DMBT1: variants seen among roughly 807,000 people sequenced by gnomAD.
The protein encoded by DMBT1 is scavenger receptor cysteine-rich domain-containing protein DMBT1.
In DMBT1, 198 loss-of-function variants were observed where a neutral mutation model predicts 252.9. The ratio of observed to expected loss-of-function variants is 0.78; its 90% CI spans 0.70 to 0.88. The LOEUF (loss-of-function observed/expected upper bound fraction) is 0.88. Among genes scored for constraint, DMBT1 ranks in the 40% least tolerant of loss-of-function variants. The pLI, the probability that DMBT1 is intolerant of heterozygous loss-of-function variation, is 0.00. For missense variants in DMBT1, 2,432 were observed against 2,404.7 expected, an observed-to-expected ratio of 1.01 and a Z score of -0.24; for synonymous variants, 990 against 942.7, an observed-to-expected ratio of 1.05 and a Z score of -0.92.
At chr10:122,626,030 C>A (rs925132258) in intron 46 of DMBT1, 65 bp downstream of exon 46, 4 of 1,399,256 alleles carry the variant, frequency 2.9e-6, no homozygotes, top group African/African-American at 2.8e-5. Context: ...CTTGGCTATC[C>A]ATGAGCGAAT....
At chr10:122,623,954 T>C (rs920784675) in intron 44 of DMBT1, among the ~76,000 whole-genome samples, 3 of 152,238 alleles carry the variant, frequency 2.0e-5, no homozygotes, top group African/African-American at 7.2e-5. Context: ...TTCTGCCCAC[T>C]GTCCCTGTAG....
In DMBT1 at chr10:122,576,411, G is replaced by C. The variant is rs1184144498; in HGVS notation, c.296G>C (p.Gly99Ala). ...TGCCTTCCTCTAGGATCTGATTCTG[G>C]TTTGGCCCTGAGGCTGGTGAATGGA... ...ESTVAEGSDSGLALRLVNGDG... is the reference protein window; with the variant it reads ...ESTVAEGSDSALALRLVNGDG... The change falls in exon 7 of 56, where the codon GGT (glycine) becomes GCT (alanine). Residue 99 changes from glycine to alanine, a missense_variant. Coordinates refer to ENST00000338354, the MANE Select transcript of DMBT1 (RefSeq NM_001377530.1). The C allele has an allele frequency of 3.1e-6, 5 of 1,613,724 alleles. No homozygotes were observed. Among genetic ancestry groups the C allele is most frequent in the Non-Finnish European group, 3.4e-6 (4 of 1,179,804 alleles).
rs148891350 is a variant in DMBT1 at position 122,617,246 on chromosome 10, G to A, written c.4877G>A (p.Arg1626His). 587 of 1,608,638 alleles carry A rather than the reference G, an allele frequency of 3.6e-4. 10 individuals are homozygous for A. The highest frequency in any genetic ancestry group is 1.5e-3 in the Middle Eastern group (9 of 6,020). Residue 1626 changes from arginine to histidine, a missense_variant, in exon 40 of 56, where the codon CGT becomes CAT. By Grantham distance (29) the Arg-to-His change is conservative. Coordinates refer to ENST00000338354, the MANE Select transcript of DMBT1 (RefSeq NM_001377530.1). ...TPSPDTWPTS[R>H]ASTAGSESTL... ...TTTACAGACACTTGGCCAACCTCTC[G>A]TGCATCAACAGCAGGTAAACAATCC...
chr10:122,575,819 A>G (rs1415544256), intron 6 of DMBT1, among the ~76,000 whole-genome samples: 1 of 152,182 alleles, frequency 6.6e-6, no homozygotes, highest in African/African-American at 2.4e-5. Context: ...CAGTCAGAAT[A>G]TGGTGTCTCC....
At chr10:122,599,436 A>G (rs2097918064) in intron 26 of DMBT1, among the ~76,000 whole-genome samples, 1 of 152,210 alleles carries the variant, frequency 6.6e-6, no homozygotes, top group South Asian at 2.1e-4. Context: ...ACAGACAGCA[A>G]GGCGGGGTAG....
intron 1 of DMBT1, 106 bp from the exon 2 acceptor site, chr10:122,565,861 C>A: frequency 1.8e-6 from 2 of 1,088,522 alleles, no homozygotes; most frequent in African/African-American, 1.5e-5. Context: ...GATTGAGCCA[C>A]AGCGCCCTCT....
At chr10:122,568,972 T>A (rs59723395) in intron 2 of DMBT1, among the ~76,000 whole-genome samples, 2,907 of 152,316 alleles carry the variant, frequency 0.019, 101 homozygotes, top group South Asian at 0.14. Context: ...CACATAAGTA[T>A]GTGTGCGTAC....
At chr10:122,619,251 G>C in intron 41 of DMBT1, 57 bp from the exon 42 acceptor site, 2 of 1,611,646 alleles carry the variant, frequency 1.2e-6, no homozygotes, top group Non-Finnish European at 1.7e-6. Flanking sequence ...CTTTGTTCCA[G>C]TTTTGCCATT....
In DMBT1 at chr10:122,598,886, C is replaced by T. The variant is rs750230181; in HGVS notation, c.3069C>T (p.Asp1023=). The part of the protein sequence containing the change: ...SWGTVCDDSW[D]TNDANVVCRQ... ...GCACCGTGTGCGATGACAGCTGGGA[C>T]ACCAATGATGCCAATGTCGTCTGCA... The change falls in exon 26 of 56, where the codon GAC becomes GAT. Residue 1023 remains aspartate, a synonymous_variant. Transcript: ENST00000338354. 1.2e-6 allele frequency: 2 copies of T among 1,613,856 alleles called. No homozygotes were observed.
intron 1 of DMBT1, among the ~76,000 whole-genome samples, chr10:122,562,562 G>A (rs1254321950): frequency 2.0e-5 from 3 of 152,324 alleles, no homozygotes; most frequent in Non-Finnish European, 2.9e-5. Context: ...TGTCAGTACC[G>A]AGTTCACCCT....
At chr10:122,568,314 G>A (rs1490169893) in intron 2 of DMBT1, among the ~76,000 whole-genome samples, 1 of 152,148 alleles carries the variant, frequency 6.6e-6, no homozygotes, top group African/African-American at 2.4e-5. Flanking sequence ...CTGGTCTAGA[G>A]CTCAGGGCTG....
At chr10:122,631,365 G>C (rs1331773343) in intron 49 of DMBT1, 84 bp downstream of exon 49, 1 of 1,526,148 alleles carries the variant, frequency 6.6e-7, no homozygotes, top group Non-Finnish European at 8.9e-7. Context: ...GATGGTGTCT[G>C]TGGCCCAGGC....
chr10:122,625,380 G>GTCTACCCTACTCCTCC, intron 45 of DMBT1, 77 bp downstream of exon 45: 1 of 1,433,082 alleles, frequency 7.0e-7, no homozygotes, highest in South Asian at 1.2e-5. Flanking sequence ...AGTAGGAGGA[G>GTCTACCCTACTCCTCC]TAGGGTAGAC....
chr10:122,627,286 T>C (rs374963150), intron 46 of DMBT1, among the ~76,000 whole-genome samples: 16 of 152,238 alleles, frequency 1.1e-4, no homozygotes, highest in African/African-American at 3.6e-4. Flanking sequence ...AATGGATAAA[T>C]TAATGAATAA....
rs376583688 is a variant in DMBT1, at chr10:122,586,040, G to A, written c.1460-20G>A. ...ACCTCATGATAGGGATGGATGAAGG[G>A]TTCTTGTTTTCCCCTGTAGGATCTG... On this transcript the variant is annotated intron_variant, in intron 15 of 55. Transcript: ENST00000338354. The A allele has an allele frequency of 7.8e-5, 124 of 1,588,146 alleles. 7 individuals carry two copies. In the African/African-American group the frequency reaches 1.1e-3, roughly 14 times the overall value.
intron 54 of DMBT1, among the ~76,000 whole-genome samples, chr10:122,638,228 G>A (rs1240606277): frequency 6.6e-6 from 1 of 152,128 alleles, no homozygotes; most frequent in East Asian, 1.9e-4. Context: ...GGTGACCATT[G>A]TTCCTATGCC....
intron 3 of DMBT1, 42 bp from the exon 4 acceptor site, chr10:122,570,848 A>T (rs1270033817): frequency 6.2e-7 from 1 of 1,604,598 alleles, no homozygotes; most frequent in Non-Finnish European, 8.5e-7. Context: ...CTCCCCAAAC[A>T]AGGGCTACCA....
At position 122,589,242 on chromosome 10, in the gene DMBT1, T is replaced by A; in HGVS notation, c.2082T>A (p.His694Gln). Residue 694 changes from histidine to glutamine, a missense_variant, in exon 17 of 56, where the codon CAT (histidine) becomes CAA (glutamine). By Grantham distance (24) the His-to-Gln change is conservative. Around this residue, in one of 3 missense-constraint regions of DMBT1, gnomAD observed 1,264 missense variants for 1,082.2 expected, o/e 1.17. Coordinates refer to ENST00000338354, the MANE Select transcript of DMBT1 (RefSeq NM_001377530.1). ...NGWLSHNCGHHEDAGVICSAA... is the reference protein window; with the variant it reads ...NGWLSHNCGHQEDAGVICSAA... ...GGCTCTCCCACAACTGTGGCCATCA[T>A]GAAGATGCTGGTGTCATCTGCTCAG... is the stretch of plus-strand genomic sequence containing the variant. The A allele has an allele frequency of 6.3e-7, 1 of 1,588,636 alleles. No individual in the cohort carries two copies. Among genetic ancestry groups the A allele is most frequent in the South Asian group, 1.2e-5 (1 of 86,946 alleles).
In DMBT1 at chr10:122,579,760, C is replaced by G; in HGVS notation, c.862C>G (p.Gln288Glu). 6.2e-7 allele frequency: 1 copy of G among 1,613,802 alleles called. No individual in the cohort carries two copies. Among genetic ancestry groups the G allele is most frequent in the Non-Finnish European group, 8.5e-7 (1 of 1,179,760 alleles). ...GWAMSAPGNA[Q>E]FGQGSGPIVL... ...GGCCATGTCAGCCCCAGGAAATGCC[C>G]AGTTTGGCCAGGGCTCAGGACCCAT... is the stretch of plus-strand genomic sequence containing the variant. The change falls in exon 10 of 56, where the codon CAG becomes GAG. Residue 288 changes from glutamine to glutamate, a missense_variant. Gln to Glu is a conservative substitution (Grantham distance 29). Transcript: ENST00000338354.
Sources: allele counts gnomAD v4.1 joint callset (sites outside exome capture counted in the v4.1 genomes callset), GRCh38; gene constraint gnomAD v4.1.1; regional missense constraint gnomAD v4.1.1; transcripts MANE v1.5; gene names NCBI Gene and HGNC (gene_info 2026-07-23, HGNC 2026-07-21).